Variants in TMEM132D observed in about 807,000 individuals in gnomAD.
TMEM132D encodes mature OL transmembrane protein.
A neutral mutation model predicts 62.3 loss-of-function variants in TMEM132D; 21 were observed. The observed-to-expected ratio is 0.34, with a 90% CI of 0.24 to 0.49. The LOEUF is 0.49. Ranked by LOEUF, TMEM132D falls within the 20% of genes least tolerant of loss-of-function variation. The pLI is 0.99. For missense variants in TMEM132D, 1,346 were observed against 1,402.8 expected, an observed-to-expected ratio of 0.96 and a Z score of 0.65; for synonymous variants, 621 against 575.6, an observed-to-expected ratio of 1.08 and a Z score of -1.13.
At chr12:129,489,273 T>C (rs1185976328) in intron 3 of TMEM132D, among the ~76,000 whole-genome samples, 1 of 152,212 alleles carries the variant, frequency 6.6e-6, no homozygotes, top group Non-Finnish European at 1.5e-5. Flanking sequence ...TTCTCCACCC[T>C]GGGCTCAGAG....
At chr12:129,443,418 T>C (rs1761790827) in intron 3 of TMEM132D, among the ~76,000 whole-genome samples, 1 of 152,174 alleles carries the variant, frequency 6.6e-6, no homozygotes, top group Admixed American at 6.5e-5. Context: ...ATACACACTC[T>C]GATCTGATGA....
At chr12:129,848,350 G>A (rs1178795418) in intron 1 of TMEM132D, among the ~76,000 whole-genome samples, 1 of 152,134 alleles carries the variant, frequency 6.6e-6, no homozygotes, top group Non-Finnish European at 1.5e-5. Context: ...GAAGGAATTG[G>A]GACACAGAAG....
intron 2 of TMEM132D, among the ~76,000 whole-genome samples, chr12:129,589,767 G>A (rs1051224614): frequency 3.3e-5 from 5 of 152,080 alleles, no homozygotes; most frequent in African/African-American, 7.2e-5. Context: ...CAGAGTTATC[G>A]CAGCTCAACA....
intron 1 of TMEM132D, among the ~76,000 whole-genome samples, chr12:129,713,311 C>A (rs1372153681): frequency 1.3e-5 from 2 of 152,066 alleles, no homozygotes; most frequent in African/African-American, 2.4e-5. Flanking sequence ...ACATGGATAC[C>A]TGACTGCACA....
intron 5 of TMEM132D, among the ~76,000 whole-genome samples, chr12:129,119,049 C>T (rs1056944879): frequency 6.6e-6 from 1 of 152,126 alleles, no homozygotes; most frequent in Non-Finnish European, 1.5e-5. Flanking sequence ...GCTGCCCTTG[C>T]CTTTTAAGCA....
chr12:129,833,004 G>A (rs932996837), intron 1 of TMEM132D, among the ~76,000 whole-genome samples: 1 of 152,148 alleles, frequency 6.6e-6, no homozygotes, highest in Non-Finnish European at 1.5e-5. Flanking sequence ...TGACCTACGG[G>A]TTCTTCACAC....
At chr12:129,559,641 C>T (rs1210849132) in intron 2 of TMEM132D, among the ~76,000 whole-genome samples, 1 of 152,178 alleles carries the variant, frequency 6.6e-6, no homozygotes, top group African/African-American at 2.4e-5. Context: ...ACATAGATGT[C>T]ATGATGTAAC....
chr12:129,885,449 T>C (rs1458478188), intron 1 of TMEM132D, among the ~76,000 whole-genome samples: 3 of 152,214 alleles, frequency 2.0e-5, no homozygotes, highest in Non-Finnish European at 2.9e-5. Flanking sequence ...TTTGGGAGCT[T>C]TGAAAACTAC....
chr12:129,250,300 T>G (rs11060215), intron 4 of TMEM132D, among the ~76,000 whole-genome samples: 2 of 152,068 alleles, frequency 1.3e-5, no homozygotes, highest in South Asian at 2.1e-4. Context: ...TATCACAATT[T>G]TATGCAGATA....
intron 3 of TMEM132D, among the ~76,000 whole-genome samples, chr12:129,432,278 AATGGATGGATGCTTGGATGGATGGATGG>A (rs71082716): frequency 0.58 from 73,288 of 127,364 alleles, 18,588 homozygotes; most frequent in East Asian, 0.76. Flanking sequence ...TGGATGGATC[AATGGATGGATGCTTGGATGGATGGATGG>A]ATGGATGGAT....
At chr12:129,191,825 G>A (rs1172446569) in intron 5 of TMEM132D, among the ~76,000 whole-genome samples, 9 of 151,994 alleles carry the variant, frequency 5.9e-5, no homozygotes, top group Non-Finnish European at 1.2e-4. Context: ...CCTCCAGTTG[G>A]AAACTCATGA....
At chr12:129,312,707 A>G (rs929550964) in intron 4 of TMEM132D, among the ~76,000 whole-genome samples, 1 of 152,096 alleles carries the variant, frequency 6.6e-6, no homozygotes, top group African/African-American at 2.4e-5. Context: ...AGTAGCTGGG[A>G]CTACAGGCGC....
chr12:129,190,613 G>A (rs1667238213), intron 5 of TMEM132D, among the ~76,000 whole-genome samples: 1 of 151,554 alleles, frequency 6.6e-6, no homozygotes, highest in African/African-American at 2.4e-5. Flanking sequence ...TGGAGGGAGG[G>A]GTCTAGGGCC....
At chr12:129,433,203 G>T (rs1872708705) in intron 3 of TMEM132D, among the ~76,000 whole-genome samples, 1 of 152,140 alleles carries the variant, frequency 6.6e-6, no homozygotes, top group Non-Finnish European at 1.5e-5. Context: ...ATTACAAATA[G>T]TGATACCAGG....
intron 1 of TMEM132D, among the ~76,000 whole-genome samples, chr12:129,786,824 G>A (rs1168789742): frequency 6.6e-6 from 1 of 152,222 alleles, no homozygotes; most frequent in African/African-American, 2.4e-5. Flanking sequence ...CCGGGAGGTG[G>A]AGGTTGCAGT....
intron 2 of TMEM132D, among the ~76,000 whole-genome samples, chr12:129,534,597 T>G (rs979601656): frequency 1.3e-5 from 2 of 152,158 alleles, no homozygotes; most frequent in Admixed American, 1.3e-4. Flanking sequence ...CTTTCCTGGA[T>G]AGCAGTATCT....
intron 5 of TMEM132D, among the ~76,000 whole-genome samples, chr12:129,177,240 T>C (rs1877931684): frequency 6.6e-6 from 1 of 152,232 alleles, no homozygotes; most frequent in Admixed American, 6.5e-5. Flanking sequence ...ATCACCAATA[T>C]TTATTGGGGC....
chr12:129,110,176 C>T (rs577297693), intron 5 of TMEM132D: 6 of 152,426 alleles, frequency 3.9e-5, no homozygotes, highest in Non-Finnish European at 8.8e-5. Context: ...TACTCCTTCT[C>T]CATCTTTTCT....
At chr12:129,801,880 A>C (rs1365348733) in intron 1 of TMEM132D, among the ~76,000 whole-genome samples, 5 of 151,750 alleles carry the variant, frequency 3.3e-5, no homozygotes, top group Admixed American at 1.3e-4. Flanking sequence ...CTCGAGAACT[A>C]CGTGAAGAAT....
Sources: gnomAD v4.1 joint callset for allele counts (sites outside exome capture counted in the v4.1 genomes callset) on GRCh38, gnomAD v4.1.1 for gene constraint, MANE v1.5 for transcripts, NCBI Gene and HGNC (gene_info 2026-07-23, HGNC 2026-07-21) for gene names.